The following FOXP1 variants were observed in gnomAD, a reference collection of about 807,000 sequenced individuals.
FOXP1 encodes the protein forkhead box protein P1.
FOXP1 carries 15 observed loss-of-function variants against 98.2 expected under a neutral mutation model. That is an observed-to-expected ratio of 0.15 (90% confidence interval 0.10 to 0.24). The LOEUF is 0.24. Ranked by LOEUF, FOXP1 falls within the 10% of genes least tolerant of loss-of-function variation. FOXP1 has a pLI of 1.00. For synonymous variants in FOXP1, 371 were observed against 314.5 expected, an observed-to-expected ratio of 1.18 and a Z score of -1.90; for missense variants, 633 against 848.5, an observed-to-expected ratio of 0.75 and a Z score of 3.15.
chr3:71,434,103 A>G (rs920219833), intron 3 of FOXP1, among the ~76,000 whole-genome samples: 1 of 152,254 alleles, frequency 6.6e-6, no homozygotes, highest in African/African-American at 2.4e-5. Flanking sequence ...AAGCCCCAAC[A>G]GGAGATGGGA....
At chr3:71,433,491 C>G (rs1216471711) in intron 3 of FOXP1, among the ~76,000 whole-genome samples, 2 of 152,182 alleles carry the variant, frequency 1.3e-5, no homozygotes, top group Non-Finnish European at 2.9e-5. Context: ...CCAATACATT[C>G]AGTATCTGAC....
At chr3:71,472,081 T>C (rs995473178) in intron 3 of FOXP1, among the ~76,000 whole-genome samples, 1 of 152,236 alleles carries the variant, frequency 6.6e-6, no homozygotes, top group Non-Finnish European at 1.5e-5. Flanking sequence ...GTACGTTTTA[T>C]AGTTTTTCAT....
chr3:71,031,300 G>T (rs1427137567), intron 11 of FOXP1, among the ~76,000 whole-genome samples: 2 of 152,154 alleles, frequency 1.3e-5, no homozygotes, highest in African/African-American at 4.8e-5. Context: ...GACTATAAAA[G>T]GAATGAAATT....
At position 71,010,141 on chromosome 3, in the gene FOXP1, T is replaced by C. The variant is rs147069162; in HGVS notation, c.974+5408A>G. On this transcript the variant is annotated intron_variant, in intron 12 of 20. Transcript: ENST00000649528. ...CTGATACTGAGGCTCAGATGACATG[T>C]GGCTAGTTCAAAGAACATATTAATA... is the stretch of plus-strand genomic sequence containing the variant. Among the ~76,000 whole-genome samples the C allele has an allele frequency of 1.2e-3, 183 of 152,166 alleles. 1 individual carries two copies. The highest frequency in any genetic ancestry group is 1.5e-3 in the South Asian group (7 of 4,818).
chr3:71,217,089 T>C (rs2065000765), intron 5 of FOXP1, among the ~76,000 whole-genome samples: 1 of 152,240 alleles, frequency 6.6e-6, no homozygotes. Flanking sequence ...TTATTATTTT[T>C]TGAGATGGAG....
chr3:71,578,367 A>G (rs1050156940), intron 2 of FOXP1, among the ~76,000 whole-genome samples: 3 of 152,200 alleles, frequency 2.0e-5, no homozygotes, highest in African/African-American at 7.2e-5. Context: ...CCTGCAATCT[A>G]CTTCGGTTTT....
intron 4 of FOXP1, among the ~76,000 whole-genome samples, chr3:71,314,653 A>AT (rs1560292034): frequency 6.6e-6 from 1 of 151,906 alleles, no homozygotes; most frequent in African/African-American, 2.4e-5. Context: ...CAAAGTACTT[A>AT]TTTTTTCCCC....
intron 3 of FOXP1, among the ~76,000 whole-genome samples, chr3:71,425,147 A>G (rs2084036003): frequency 6.6e-6 from 1 of 151,750 alleles, no homozygotes; most frequent in African/African-American, 2.4e-5. Flanking sequence ...ACAGGGTCTC[A>G]CTGTGCTGCC....
rs774293560 is a variant in FOXP1 at position 71,172,582 on chromosome 3, GA to G, written c.180+25619del. On this transcript the variant is annotated intron_variant, in intron 6 of 20. Coordinates refer to ENST00000649528, the MANE Select transcript of FOXP1 (RefSeq NM_001349338.3). ...ACCTTATTTTACAGATGAAAAAACT[GA>G]GGCTAAGCAACTGCCTAAGGTCACC... 3.3e-5 allele frequency among the ~76,000 whole-genome samples: 5 copies of G among 152,286 alleles called. No individual in the cohort carries two copies. In the South Asian group the frequency reaches 8.3e-4, roughly 25 times the overall value.
At chr3:71,440,303 T>C (rs533983187) in intron 3 of FOXP1, among the ~76,000 whole-genome samples, 2 of 152,064 alleles carry the variant, frequency 1.3e-5, no homozygotes, top group East Asian at 3.9e-4. Context: ...CAGTGGTTTA[T>C]GCCTGTAATC....
intron 6 of FOXP1, chr3:71,130,743 T>C (rs2059524644): frequency 1.4e-6 from 2 of 1,464,410 alleles, no homozygotes; most frequent in Non-Finnish European, 9.0e-7. Context: ...GGGCTCTCAC[T>C]AAATGACAAA....
intron 6 of FOXP1, among the ~76,000 whole-genome samples, chr3:71,160,522 C>T (rs984002198): frequency 2.0e-5 from 3 of 152,108 alleles, no homozygotes; most frequent in Non-Finnish European, 4.4e-5. Flanking sequence ...CAGATATTTC[C>T]ACTTGAGTTC....
At chr3:71,127,223 G>T (rs1177346803) in intron 6 of FOXP1, among the ~76,000 whole-genome samples, 1 of 152,134 alleles carries the variant, frequency 6.6e-6, no homozygotes, top group East Asian at 1.9e-4. Flanking sequence ...GAATCACACA[G>T]TACCATACCA....
In FOXP1 at chr3:70,992,331, CATATCCAGTTACTTAGGCAGGGT is replaced by C. The variant is rs563740403; in HGVS notation, c.1063-4277_1063-4255del. Among the ~76,000 whole-genome samples the C allele has an allele frequency of 1.1e-3, 167 of 152,240 alleles. 6 individuals are homozygous for C. In the South Asian group the frequency reaches 0.03, roughly 28 times the overall value. Reference sequence around the variant, plus strand: ...AGAGATTAACCCGATGTGGCCCAAGCATATCCAGTTACTTAGGCAGGGTATATCCAGTTACTTAGGCAGGGTAT... The same window carrying C: ...AGAGATTAACCCGATGTGGCCCAAGCATATCCAGTTACTTAGGCAGGGTAT... On this transcript the variant is annotated intron_variant, in intron 13 of 20. Coordinates refer to ENST00000649528, the MANE Select transcript of FOXP1 (RefSeq NM_001349338.3).
chr3:71,554,184 CAA>C (rs2045962074), intron 2 of FOXP1, among the ~76,000 whole-genome samples: 1 of 152,104 alleles, frequency 6.6e-6, no homozygotes, highest in South Asian at 2.1e-4. Context: ...CCTGTCTCCA[CAA>C]AAAGTTTTAA....
intron 6 of FOXP1, among the ~76,000 whole-genome samples, chr3:71,191,128 T>A (rs940496653): frequency 7.2e-4 from 110 of 152,214 alleles, no homozygotes; most frequent in African/African-American, 2.4e-3. Context: ...TTACATTATA[T>A]AAACATTCCA....
chr3:71,295,016 A>C (rs2073143466), intron 5 of FOXP1, among the ~76,000 whole-genome samples: 3 of 152,124 alleles, frequency 2.0e-5, no homozygotes, highest in African/African-American at 7.2e-5. Context: ...TATTTTATTT[A>C]AGCCATTTTA....
chr3:70,977,559 G>T (rs911662528), intron 16 of FOXP1, 84 bp downstream of exon 16: 1 of 1,172,178 alleles, frequency 8.5e-7, no homozygotes, highest in African/African-American at 1.5e-5. Flanking sequence ...CATACTAAAC[G>T]GTTTTTAAAT....
At chr3:71,038,289 T>A (rs1250825236) in intron 11 of FOXP1, among the ~76,000 whole-genome samples, 1 of 152,152 alleles carries the variant, frequency 6.6e-6, no homozygotes, top group East Asian at 1.9e-4. Context: ...CAGAAAGAAA[T>A]CTTAAAGCTG....
Sources: gnomAD v4.1 joint callset for allele counts (sites outside exome capture counted in the v4.1 genomes callset) on GRCh38, gnomAD v4.1.1 for gene constraint, MANE v1.5 for transcripts, NCBI Gene and HGNC (gene_info 2026-07-23, HGNC 2026-07-21) for gene names.